GFRAL: variants seen among roughly 807,000 people sequenced by gnomAD.
GFRAL encodes the protein GDNF family receptor alpha-like.
A neutral mutation model predicts 45.4 loss-of-function variants in GFRAL; 36 were observed. The ratio of observed to expected loss-of-function variants is 0.79; its 90% CI spans 0.61 to 1.05. The LOEUF is 1.05. Ranked by LOEUF, GFRAL falls within the 50% of genes least tolerant of loss-of-function variation. GFRAL has a pLI of 0.00. For missense variants in GFRAL, 507 were observed against 467.5 expected (o/e 1.08, Z -0.78); for synonymous variants, 166 against 154.1 (o/e 1.08, Z -0.57).
intron 6 of GFRAL, among the ~76,000 whole-genome samples, chr6:55,384,012 C>T (rs534119763): frequency 6.4e-4 from 98 of 152,090 alleles, no homozygotes; most frequent in Admixed American, 1.6e-3. Context: ...CCGATGTTTT[C>T]GAATTTGCTT....
At chr6:55,353,344 T>A (rs1264086466) in intron 5 of GFRAL, among the ~76,000 whole-genome samples, 1 of 152,102 alleles carries the variant, frequency 6.6e-6, no homozygotes, top group Admixed American at 6.6e-5. Flanking sequence ...TTATTTTCAG[T>A]CACTCTAACT....
chr6:55,378,940 T>C (rs1298824495), intron 6 of GFRAL, among the ~76,000 whole-genome samples: 1 of 151,984 alleles, frequency 6.6e-6, no homozygotes, highest in Non-Finnish European at 1.5e-5. Context: ...ACAGATCCGA[T>C]AATATCCAAT....
chr6:55,359,935 C>T (rs1334291627), intron 6 of GFRAL, among the ~76,000 whole-genome samples: 1 of 151,928 alleles, frequency 6.6e-6, no homozygotes, highest in African/African-American at 2.4e-5. Context: ...ATTGGCTGTC[C>T]TGGCCTATGT....
chr6:55,351,619 C>G (rs370448981), intron 5 of GFRAL, 36 bp downstream of exon 5: 2 of 1,487,820 alleles, frequency 1.3e-6, no homozygotes, highest in Admixed American at 1.8e-5. Flanking sequence ...TTTCTTATTT[C>G]GGCACCTTAT....
At chr6:55,394,587 T>C (rs1026040310) in intron 6 of GFRAL, among the ~76,000 whole-genome samples, 2 of 152,128 alleles carry the variant, frequency 1.3e-5, no homozygotes, top group African/African-American at 2.4e-5. Context: ...CATTTGGCTA[T>C]TGAAGGATAG....
chr6:55,362,944 G>A (rs1768297212), intron 6 of GFRAL, among the ~76,000 whole-genome samples: 1 of 149,610 alleles, frequency 6.7e-6, no homozygotes, highest in South Asian at 2.1e-4. Flanking sequence ...TAGGAGGAGA[G>A]AAAGGAGAGG....
chr6:55,366,682 C>T (rs1768369008), intron 6 of GFRAL, among the ~76,000 whole-genome samples: 1 of 102,732 alleles, frequency 9.7e-6, no homozygotes, highest in South Asian at 3.5e-4. Context: ...TTATTTCTGC[C>T]TTCATTTCGT....
chr6:55,350,728 T>G (rs528586337), intron 4 of GFRAL, among the ~76,000 whole-genome samples: 1 of 152,154 alleles, frequency 6.6e-6, no homozygotes, highest in South Asian at 2.1e-4. Context: ...AGTGATTACA[T>G]TTAATAGGTA....
At chr6:55,389,003 C>T (rs1261675573) in intron 6 of GFRAL, among the ~76,000 whole-genome samples, 2 of 152,112 alleles carry the variant, frequency 1.3e-5, no homozygotes, top group East Asian at 3.9e-4. Context: ...TTCTCTTTTT[C>T]ATTTCCAAAA....
At chr6:55,372,879 T>C (rs75658238) in intron 6 of GFRAL, among the ~76,000 whole-genome samples, 4,404 of 152,254 alleles carry the variant, frequency 0.029, 87 homozygotes, top group African/African-American at 0.05. Context: ...TCCTTCTCCA[T>C]TGGAGACATC....
intron 2 of GFRAL, among the ~76,000 whole-genome samples, chr6:55,332,089 T>C (rs1767837955): frequency 6.6e-6 from 1 of 152,192 alleles, no homozygotes; most frequent in Admixed American, 6.5e-5. Flanking sequence ...GATTATTTTC[T>C]TACCTCTCTC....
chr6:55,392,881 A>G (rs1204605548), intron 6 of GFRAL, among the ~76,000 whole-genome samples: 1 of 152,162 alleles, frequency 6.6e-6, no homozygotes, highest in Non-Finnish European at 1.5e-5. Flanking sequence ...TAAAAATTAA[A>G]CAAAATAGAA....
intron 6 of GFRAL, among the ~76,000 whole-genome samples, chr6:55,386,712 G>C (rs1180208278): frequency 6.6e-6 from 1 of 152,122 alleles, no homozygotes; most frequent in East Asian, 1.9e-4. Context: ...ATTCCCTCAA[G>C]AGAAGAGACA....
At chr6:55,329,028 G>A (rs1767798630) in intron 1 of GFRAL, among the ~76,000 whole-genome samples, 1 of 151,928 alleles carries the variant, frequency 6.6e-6, no homozygotes. Context: ...ATAATTTGCA[G>A]CATTATCCAT....
chr6:55,337,125 T>C (rs1767901234), intron 3 of GFRAL, among the ~76,000 whole-genome samples: 1 of 152,122 alleles, frequency 6.6e-6, no homozygotes, highest in Non-Finnish European at 1.5e-5. Flanking sequence ...TAATGTATAT[T>C]TGTATCCGTT....
intron 2 of GFRAL, among the ~76,000 whole-genome samples, chr6:55,332,422 CT>C (rs982417630): frequency 7.8e-4 from 113 of 145,372 alleles, no homozygotes; most frequent in East Asian, 6.6e-3. Flanking sequence ...TTTCTTTTTT[CT>C]TTTTTTTTTT....
At chr6:55,343,067 CAAT>C (rs1767990957) in intron 3 of GFRAL, among the ~76,000 whole-genome samples, 1 of 152,054 alleles carries the variant, frequency 6.6e-6, no homozygotes, top group Non-Finnish European at 1.5e-5. Context: ...GACTCCCACT[CAAT>C]AATAATGGGA....
chr6:55,378,562 T>C (rs1029800612), intron 6 of GFRAL, among the ~76,000 whole-genome samples: 1 of 151,778 alleles, frequency 6.6e-6, no homozygotes, highest in African/African-American at 2.4e-5. Context: ...TCATGGAGGG[T>C]CTTCTCTGTG....
At chr6:55,362,219 A>C (rs1258916674) in intron 6 of GFRAL, among the ~76,000 whole-genome samples, 3 of 151,158 alleles carry the variant, frequency 2.0e-5, no homozygotes, top group Non-Finnish European at 4.4e-5. Flanking sequence ...TATAGTCATG[A>C]CCCTGGCTGG....
Sources: gnomAD v4.1 joint callset for allele counts (sites outside exome capture counted in the v4.1 genomes callset) on GRCh38, gnomAD v4.1.1 for gene constraint, MANE v1.5 for transcripts, NCBI Gene and HGNC (gene_info 2026-07-23, HGNC 2026-07-21) for gene names.